FHIT: variants seen among roughly 807,000 people sequenced by gnomAD.
The protein encoded by FHIT is fragile histidine triad diadenosine triphosphatase.
In FHIT, 19 loss-of-function variants were observed where a neutral mutation model predicts 17.9. That is an observed-to-expected ratio of 1.06 (90% CI 0.74 to 1.56). The LOEUF is 1.56. Ranked by LOEUF, FHIT falls within the 40% of genes most tolerant of loss-of-function variation. FHIT has a pLI of 0.00. For missense variants in FHIT, 248 were observed against 189.2 expected (o/e 1.31, Z -1.82); for synonymous variants, 81 against 69.7 (o/e 1.16, Z -0.81).
chr3:60,548,414 T>C (rs1350636), intron 4 of FHIT, among the ~76,000 whole-genome samples: 58,327 of 151,942 alleles, frequency 0.38, 11,484 homozygotes, highest in Admixed American at 0.43. Flanking sequence ...TTTGAGAGCA[T>C]GAGGGCCTTC....
Position 60,835,870 on chromosome 3 carries a change from C to G in FHIT, c.-110-13859G>C, listed in dbSNP as rs1575582646. On this transcript the variant is annotated intron_variant, in intron 3 of 9. Transcript: ENST00000492590. ...GCTCCAGCAATCCACCTGCCTCGGC[C>G]TCCCATCGTGTTGGGATGACAGTCA... Among the ~76,000 whole-genome samples, 3 of 152,312 alleles carry G rather than the reference C, an allele frequency of 2.0e-5. No homozygotes were observed. In the South Asian group the frequency reaches 6.2e-4, roughly 32 times the overall value.
At chr3:59,955,157 AC>A (rs1707331344) in intron 7 of FHIT, among the ~76,000 whole-genome samples, 2 of 152,212 alleles carry the variant, frequency 1.3e-5, no homozygotes, top group Admixed American at 6.5e-5. Flanking sequence ...GAGATCATGT[AC>A]AAAAACAGCT....
At chr3:60,142,286 G>A (rs185209944) in intron 5 of FHIT, among the ~76,000 whole-genome samples, 144 of 152,304 alleles carry the variant, frequency 9.5e-4, no homozygotes, top group Non-Finnish European at 1.7e-3. Flanking sequence ...TAAGGTTGCT[G>A]TGGGAACTGA....
At chr3:60,352,791 G>A (rs1699472584) in intron 5 of FHIT, among the ~76,000 whole-genome samples, 1 of 152,142 alleles carries the variant, frequency 6.6e-6, no homozygotes, top group Non-Finnish European at 1.5e-5. Context: ...TGGGTTTACA[G>A]GCTCAATGCA....
chr3:60,961,909 T>C (rs1463850716), intron 3 of FHIT, among the ~76,000 whole-genome samples: 1 of 152,188 alleles, frequency 6.6e-6, no homozygotes, highest in African/African-American at 2.4e-5. Flanking sequence ...CTTGGCAATG[T>C]GGGCTCTTTT....
At chr3:60,794,764 A>C (rs13093744) in intron 4 of FHIT, among the ~76,000 whole-genome samples, 67 of 152,138 alleles carry the variant, frequency 4.4e-4, no homozygotes, top group African/African-American at 1.5e-3. Context: ...ATAGTTTTCT[A>C]TTCTGTGCTG....
intron 5 of FHIT, among the ~76,000 whole-genome samples, chr3:60,078,712 A>G (rs1378666020): frequency 6.6e-6 from 1 of 152,182 alleles, no homozygotes; most frequent in Non-Finnish European, 1.5e-5. Flanking sequence ...AAAGGAGCAA[A>G]GAGGCATCAT....
chr3:60,472,085 C>G (rs1398422304), intron 5 of FHIT, among the ~76,000 whole-genome samples: 2 of 150,806 alleles, frequency 1.3e-5, no homozygotes, highest in Admixed American at 1.3e-4. Flanking sequence ...ACACTTAAAG[C>G]CCAGACATCA....
At chr3:61,091,405 A>G (rs2106812853) in intron 2 of FHIT, among the ~76,000 whole-genome samples, 1 of 152,272 alleles carries the variant, frequency 6.6e-6, no homozygotes, top group South Asian at 2.1e-4. Flanking sequence ...AAATGGGAGC[A>G]TATATCAATA....
chr3:60,420,465 G>A (rs1459409913), intron 5 of FHIT, among the ~76,000 whole-genome samples: 2 of 151,996 alleles, frequency 1.3e-5, no homozygotes, highest in Non-Finnish European at 1.5e-5. Context: ...AAGGCTATGT[G>A]TATTTTTTTT....
At chr3:61,061,191 G>A (rs7616675) in intron 2 of FHIT, among the ~76,000 whole-genome samples, 84,356 of 151,608 alleles carry the variant, frequency 0.56, 24,468 homozygotes, top group Non-Finnish European at 0.65. Flanking sequence ...GGGAAGAAGT[G>A]AGATGATTGA....
At chr3:60,530,594 C>G (rs1313713593) in intron 5 of FHIT, among the ~76,000 whole-genome samples, 2 of 152,206 alleles carry the variant, frequency 1.3e-5, no homozygotes, top group Non-Finnish European at 1.5e-5. Context: ...GTGCCCATCA[C>G]AGTTACTGCC....
In FHIT at chr3:61,009,350, T is replaced by A. The variant is rs76232965; in HGVS notation, c.-111+32697A>T. Among the ~76,000 whole-genome samples, 696 of 152,324 alleles carry A rather than the reference T, an allele frequency of 4.6e-3. 12 individuals are homozygous for A. The highest frequency in any genetic ancestry group is 0.032 in the South Asian group (154 of 4,824). ...CTTAGTTCCTGTTTTTGTGTTTTCTTCTCTGAAACGGTAAAGTGCTTTCCT... is the reference window on the plus strand; with the variant it reads ...CTTAGTTCCTGTTTTTGTGTTTTCTACTCTGAAACGGTAAAGTGCTTTCCT... On this transcript the variant is annotated intron_variant, in intron 3 of 9. Coordinates refer to ENST00000492590, the MANE Select transcript of FHIT (RefSeq NM_002012.4).
intron 5 of FHIT, among the ~76,000 whole-genome samples, chr3:60,254,509 A>C (rs2107598010): frequency 6.6e-6 from 1 of 152,324 alleles, no homozygotes; most frequent in East Asian, 1.9e-4. Context: ...GCAAAAAAAT[A>C]CATAATATAA....
intron 8 of FHIT, among the ~76,000 whole-genome samples, chr3:59,911,329 G>A (rs1183446475): frequency 6.6e-6 from 1 of 152,160 alleles, no homozygotes; most frequent in African/African-American, 2.4e-5. Context: ...GCAGGTAAGA[G>A]CATTTTGAAC....
rs1243599598 is a variant in FHIT, at chr3:60,626,108, T to G, written c.-17-89129A>C. Among the ~76,000 whole-genome samples the G allele has an allele frequency of 1.3e-5, 2 of 152,336 alleles. 1 individual carries two copies. Among genetic ancestry groups the G allele is most frequent in the South Asian group, 4.1e-4 (2 of 4,826 alleles). On this transcript the variant is annotated intron_variant, in intron 4 of 9. Transcript: ENST00000492590. The stretch of plus-strand genomic sequence containing the variant: ...TTGATCTTTATTGTTATGTCAGCAC[T>G]ACACTCTCTTGATCACTGTAGAGTT...
intron 8 of FHIT, among the ~76,000 whole-genome samples, chr3:59,820,387 C>T (rs1437844122): frequency 1.3e-5 from 2 of 152,194 alleles, no homozygotes; most frequent in Non-Finnish European, 2.9e-5. Context: ...TTACACATGC[C>T]TAGGCCCCAG....
intron 3 of FHIT, among the ~76,000 whole-genome samples, chr3:60,825,823 C>T (rs1702090466): frequency 6.6e-6 from 1 of 152,100 alleles, no homozygotes; most frequent in African/African-American, 2.4e-5. Flanking sequence ...TGTGGATACA[C>T]ATATATGTAT....
chr3:60,012,773 C>A (rs13323989), intron 6 of FHIT, among the ~76,000 whole-genome samples: 6,107 of 152,124 alleles, frequency 0.04, 418 homozygotes, highest in African/African-American at 0.14. Context: ...ATTGCATATA[C>A]GAAAGTACTC....
Sources: allele counts gnomAD v4.1 joint callset (sites outside exome capture counted in the v4.1 genomes callset), GRCh38; gene constraint gnomAD v4.1.1; transcripts MANE v1.5; gene names NCBI Gene and HGNC (gene_info 2026-07-23, HGNC 2026-07-21).